CYP20A1: variants seen among roughly 807,000 people sequenced by gnomAD.
CYP20A1 encodes the protein cytochrome P450 20A1.
In CYP20A1, 61 loss-of-function variants were observed where a neutral mutation model predicts 61.4. The observed-to-expected ratio is 0.99, with a 90% CI of 0.81 to 1.23. CYP20A1 has a LOEUF of 1.23. CYP20A1 is among the 50% of genes most tolerant of loss of function. The pLI is 0.00. For synonymous variants in CYP20A1, 193 were observed against 188.2 expected (o/e 1.03, Z -0.21); for missense variants, 530 against 542.4 (o/e 0.98, Z 0.23).
intron 5 of CYP20A1, among the ~76,000 whole-genome samples, chr2:203,271,735 A>G (rs944845829): frequency 6.6e-6 from 1 of 152,184 alleles, no homozygotes; most frequent in African/African-American, 2.4e-5. Flanking sequence ...CACTTATGCC[A>G]GTATAATACA....
intron 4 of CYP20A1, among the ~76,000 whole-genome samples, chr2:203,252,596 T>C (rs1299436985): frequency 6.6e-6 from 1 of 152,100 alleles, no homozygotes. Flanking sequence ...GGTTTCACCA[T>C]GTTGGCCAGG....
chr2:203,253,452 T>A (rs1456704302), intron 4 of CYP20A1, among the ~76,000 whole-genome samples: 5 of 152,096 alleles, frequency 3.3e-5, no homozygotes, highest in Non-Finnish European at 5.9e-5. Flanking sequence ...ACCAAAAATG[T>A]TGTGGGGAAC....
intron 5 of CYP20A1, among the ~76,000 whole-genome samples, chr2:203,269,937 T>G (rs932448482): frequency 2.0e-5 from 3 of 152,138 alleles, no homozygotes; most frequent in African/African-American, 7.2e-5. Context: ...GTTGTGTAAT[T>G]CTTTTATTAC....
chr2:203,293,461 C>CCCAAAGT (rs2152112168), intron 11 of CYP20A1, among the ~76,000 whole-genome samples: 2 of 150,544 alleles, frequency 1.3e-5, no homozygotes, highest in South Asian at 4.2e-4. Flanking sequence ...ATGATCCACC[C>CCCAAAGT]GCCTCAGCCT....
In CYP20A1 at chr2:203,272,748, G is replaced by T; in HGVS notation, c.679G>T (p.Ala227Ser). The T allele has an allele frequency of 6.3e-7, 1 of 1,581,484 alleles. No homozygotes were observed. ...GACTCGGAAAAAACAATATGAAGAT[G>T]GTAAGTTTGGTCACTTAATTTTTAG... ...NMTRKKQYED[A>S]LMQLESVLRN... The change falls in exon 6 of 13, where the codon GCC (alanine) becomes TCC (serine). Residue 227 changes from alanine (A) to serine (S), a missense_variant and splice_region_variant. Coordinates refer to ENST00000356079, the MANE Select transcript of CYP20A1 (RefSeq NM_177538.3).
At chr2:203,244,243 C>G (rs2066368624) in intron 1 of CYP20A1, among the ~76,000 whole-genome samples, 1 of 152,004 alleles carries the variant, frequency 6.6e-6, no homozygotes, top group Admixed American at 6.6e-5. Context: ...ACTCTGTCAT[C>G]CAGGCTGAAG....
At chr2:203,275,119 A>G (rs532547327) in intron 6 of CYP20A1, among the ~76,000 whole-genome samples, 65 of 152,352 alleles carry the variant, frequency 4.3e-4, no homozygotes, top group Non-Finnish European at 5.9e-4. Flanking sequence ...ATCAGACCTT[A>G]TCCTAGACCA....
chr2:203,276,027 C>T (rs916196989), intron 6 of CYP20A1, among the ~76,000 whole-genome samples: 1 of 152,126 alleles, frequency 6.6e-6, no homozygotes, highest in Non-Finnish European at 1.5e-5. Context: ...TTAGGAAAGG[C>T]CTCACCAAGA....
In CYP20A1 at chr2:203,301,635, TATTA is replaced by T. The variant is rs1460510841; in HGVS notation, c.*4731_*4734del. Among the ~76,000 whole-genome samples, 1 of 152,082 alleles carries T rather than the reference TATTA, an allele frequency of 6.6e-6. No individual in the cohort carries two copies. The highest frequency in any genetic ancestry group is 2.4e-5 in the African/African-American group (1 of 41,406). On this transcript the variant is annotated 3_prime_UTR_variant, in exon 13 of 13. Coordinates refer to ENST00000356079, the MANE Select transcript of CYP20A1 (RefSeq NM_177538.3). ...CTTGTGCTAACAAAATTTAAGGCAATATTAATTCTGTGCATGTGTTTGGGAAAAT... is the reference window on the plus strand; with the variant it reads ...CTTGTGCTAACAAAATTTAAGGCAATATTCTGTGCATGTGTTTGGGAAAAT...
intron 5 of CYP20A1, among the ~76,000 whole-genome samples, chr2:203,266,962 C>G (rs1165924460): frequency 6.6e-6 from 1 of 152,008 alleles, no homozygotes; most frequent in Non-Finnish European, 1.5e-5. Context: ...GCCTCAGTGA[C>G]AGAGTAAGAC....
intron 5 of CYP20A1, 164 bp from the exon 6 acceptor site, chr2:203,272,506 C>T: frequency 3.1e-6 from 1 of 317,782 alleles, no homozygotes; most frequent in East Asian, 5.5e-5. Context: ...CGTGCCATTG[C>T]AATCCAGCAC....
rs1329372108 is a variant in CYP20A1 at position 203,299,734 on chromosome 2, C to G, written c.*2826C>G. ...TACTAAAAATACAAAATTAGCCAGG[C>G]TTGGTGGTGCATGCCTGTAATACCA... On this transcript the variant is annotated 3_prime_UTR_variant, in exon 13 of 13. Transcript: ENST00000356079. 6.6e-6 allele frequency among the ~76,000 whole-genome samples: 1 copy of G among 151,954 alleles called. No individual in the cohort carries two copies. The highest frequency in any genetic ancestry group is 1.5e-5 in the Non-Finnish European group (1 of 68,006).
chr2:203,241,273 G>A (rs7584129), intron 1 of CYP20A1, among the ~76,000 whole-genome samples: 140,679 of 152,190 alleles, frequency 0.92, 65,284 homozygotes, highest in Non-Finnish European at 0.96. Context: ...GGTTTTGGGT[G>A]GGCTAGGTTT....
At chr2:203,256,334 A>G (rs1448485514) in intron 4 of CYP20A1, among the ~76,000 whole-genome samples, 1 of 151,808 alleles carries the variant, frequency 6.6e-6, no homozygotes, top group Non-Finnish European at 1.5e-5. Flanking sequence ...TTCCCGGTTT[A>G]TAATTCTGTT....
chr2:203,248,643 A>G (rs1283189175), intron 3 of CYP20A1, among the ~76,000 whole-genome samples: 3 of 152,230 alleles, frequency 2.0e-5, no homozygotes, highest in Non-Finnish European at 2.9e-5. Context: ...TTTTATGACA[A>G]AAGGGAAAAG....
chr2:203,280,991 A>G (rs1417276894), intron 8 of CYP20A1, among the ~76,000 whole-genome samples: 1 of 152,136 alleles, frequency 6.6e-6, no homozygotes, highest in Admixed American at 6.5e-5. Context: ...TGCTATTACT[A>G]AGGTCTACCA....
At chr2:203,268,492 A>G (rs1185156437) in intron 5 of CYP20A1, among the ~76,000 whole-genome samples, 1 of 152,206 alleles carries the variant, frequency 6.6e-6, no homozygotes, top group Non-Finnish European at 1.5e-5. Context: ...GATTCAAAAT[A>G]CATATTTTTG....
At chr2:203,251,138 C>T (rs2066655832) in intron 3 of CYP20A1, among the ~76,000 whole-genome samples, 1 of 145,392 alleles carries the variant, frequency 6.9e-6, no homozygotes, top group Non-Finnish European at 1.5e-5. Context: ...ATCTCGGATG[C>T]ATTTTGCTGT....
At chr2:203,257,512 G>A (rs931645544) in intron 4 of CYP20A1, among the ~76,000 whole-genome samples, 2 of 150,512 alleles carry the variant, frequency 1.3e-5, no homozygotes, top group African/African-American at 2.4e-5. Context: ...TTTTTTTGCC[G>A]GTCTCAGTGG....
Sources: gnomAD v4.1 joint callset for allele counts (sites outside exome capture counted in the v4.1 genomes callset) on GRCh38, gnomAD v4.1.1 for gene constraint, MANE v1.5 for transcripts, NCBI Gene and HGNC (gene_info 2026-07-23, HGNC 2026-07-21) for gene names.